IL1RAPL2: variants seen among roughly 807,000 people sequenced by gnomAD.
IL1RAPL2 encodes the protein interleukin 1 receptor accessory protein like 2.
A neutral mutation model predicts 44.1 loss-of-function variants in IL1RAPL2; 3 were observed. The observed-to-expected ratio is 0.07, with a 90% CI of 0.03 to 0.18. The LOEUF (loss-of-function observed/expected upper bound fraction) is 0.18, where lower values mean the gene tolerates loss of function less well. IL1RAPL2 is among the 10% of genes least tolerant of loss of function. The pLI is 1.00. For missense variants in IL1RAPL2, 391 were observed against 496.4 expected (o/e 0.79, Z 2.02); for synonymous variants, 181 against 178.8 (o/e 1.01, Z -0.10).
At chrX:104,936,989 G>T (rs886108843) in intron 2 of IL1RAPL2, among the ~76,000 whole-genome samples, 2 of 111,875 alleles carry the variant, frequency 1.8e-5, no homozygotes, top group Non-Finnish European at 3.8e-5. Context: ...AGAGCAGAGA[G>T]ACTGGGCTCT....
intron 5 of IL1RAPL2, among the ~76,000 whole-genome samples, chrX:105,457,868 A>G (rs2036067748): frequency 9.0e-6 from 1 of 110,618 alleles, no homozygotes; most frequent in Non-Finnish European, 1.9e-5. Flanking sequence ...TGGTAATTCT[A>G]TGTTTAACTT....
intron 1 of IL1RAPL2, among the ~76,000 whole-genome samples, chrX:104,585,388 A>ATATATAT (rs1928537407): frequency 8.6e-5 from 2 of 23,272 alleles, no homozygotes; most frequent in African/African-American, 8.1e-4. Context: ...AATATATATT[A>ATATATAT]TATATAATAT....
chrX:105,497,819 A>C (rs1602438728), intron 6 of IL1RAPL2, among the ~76,000 whole-genome samples: 1 of 112,415 alleles, frequency 8.9e-6, no homozygotes, highest in Non-Finnish European at 1.9e-5. Context: ...ACAAAAGATA[A>C]AAATCTTTAG....
intron 6 of IL1RAPL2, among the ~76,000 whole-genome samples, chrX:105,639,077 T>A (rs1207717355): frequency 9.0e-6 from 1 of 111,684 alleles, no homozygotes; most frequent in African/African-American, 3.3e-5. Context: ...TTTTGTTTTT[T>A]ATGCGAGTAT....
chrX:105,475,950 G>A (rs1372738547), intron 5 of IL1RAPL2, among the ~76,000 whole-genome samples: 3 of 111,934 alleles, frequency 2.7e-5, no homozygotes, highest in African/African-American at 9.7e-5. Flanking sequence ...AGAGAAAAGG[G>A]CAACTCAGGG....
intron 5 of IL1RAPL2, among the ~76,000 whole-genome samples, chrX:105,369,484 G>A (rs1234869716): frequency 9.0e-6 from 1 of 111,247 alleles, no homozygotes; most frequent in African/African-American, 3.3e-5. Flanking sequence ...AGAGGTTGGG[G>A]TGTTAGATGT....
intron 2 of IL1RAPL2, among the ~76,000 whole-genome samples, chrX:104,764,530 T>C (rs1932523178): frequency 1.8e-5 from 2 of 112,043 alleles, no homozygotes; most frequent in African/African-American, 6.5e-5. Flanking sequence ...TCCTTTCCAA[T>C]TTGGATGCCC....
chrX:105,460,619 C>A (rs1230431378), intron 5 of IL1RAPL2, among the ~76,000 whole-genome samples: 1 of 111,119 alleles, frequency 9.0e-6, no homozygotes, highest in African/African-American at 3.3e-5. Context: ...TTCTTGTAAC[C>A]CTTTCTCTTC....
intron 6 of IL1RAPL2, among the ~76,000 whole-genome samples, chrX:105,693,916 G>A (rs1221236215): frequency 8.9e-6 from 1 of 112,098 alleles, no homozygotes; most frequent in Non-Finnish European, 1.9e-5. Context: ...AAGCTTCCAG[G>A]AGGAAAGCAG....
At position 105,357,961 on chromosome X, in the gene IL1RAPL2, A is replaced by G. The variant is rs148011405; in HGVS notation, c.697+90420A>G. ...GAGTTGATAGGATTGCTTGAGCCCA[A>G]GAGTTTGAGGCTGCAGTGAGCTATG... is the stretch of plus-strand genomic sequence containing the variant. On this transcript the variant is annotated intron_variant, in intron 5 of 10. Coordinates refer to ENST00000372582, the MANE Select transcript of IL1RAPL2 (RefSeq NM_017416.2). Among the ~76,000 whole-genome samples the G allele has an allele frequency of 5.0e-3, 512 of 103,253 alleles. 6 individuals are homozygous for G. Among genetic ancestry groups the G allele is most frequent in the African/African-American group, 0.017 (485 of 27,858 alleles). The allele number at this position is 103,253 out of a possible 115,157, so 89.7% of individuals were successfully genotyped here.
intron 2 of IL1RAPL2, among the ~76,000 whole-genome samples, chrX:104,751,728 G>A (rs773850367): frequency 9.0e-6 from 1 of 110,866 alleles, no homozygotes; most frequent in Admixed American, 9.6e-5. Flanking sequence ...TGTATGCCAG[G>A]GTTAATATGA....
Position 104,631,360 on chromosome X carries a change from G to C in IL1RAPL2, c.-19-27535G>C, listed in dbSNP as rs766549820. Among the ~76,000 whole-genome samples the C allele has an allele frequency of 3.6e-5, 4 of 111,877 alleles. No individual in the cohort carries two copies. In the South Asian group the frequency reaches 1.5e-3, roughly 42 times the overall value. On this transcript the variant is annotated intron_variant, in intron 1 of 10. Coordinates refer to ENST00000372582, the MANE Select transcript of IL1RAPL2 (RefSeq NM_017416.2). ...ATCCTTTGGGTATATACCCAGTAATGGGATGGCTGGGTCAAATGATATTTC... is the reference window on the plus strand; with the variant it reads ...ATCCTTTGGGTATATACCCAGTAATCGGATGGCTGGGTCAAATGATATTTC...
At chrX:105,506,834 A>C (rs752147580) in intron 6 of IL1RAPL2, among the ~76,000 whole-genome samples, 2 of 112,008 alleles carry the variant, frequency 1.8e-5, no homozygotes, top group Non-Finnish European at 3.8e-5. Flanking sequence ...AGAAAACTCA[A>C]GCCCAGAGAG....
At chrX:105,318,009 G>C (rs1310897772) in intron 5 of IL1RAPL2, among the ~76,000 whole-genome samples, 3 of 100,171 alleles carry the variant, frequency 3.0e-5, no homozygotes, top group African/African-American at 7.3e-5. Flanking sequence ...GTCTCGCTCT[G>C]TCGCCCAGGC....
rs761940662 is a variant in IL1RAPL2 at position 105,173,620 on chromosome X, G to A, written c.83-21855G>A. 3.6e-5 allele frequency among the ~76,000 whole-genome samples: 4 copies of A among 111,366 alleles called. No homozygotes were observed. The South Asian group carries it at 1.5e-3, about 43-fold the overall frequency. On this transcript the variant is annotated intron_variant, in intron 2 of 10. Coordinates refer to ENST00000372582, the MANE Select transcript of IL1RAPL2 (RefSeq NM_017416.2). ...GCCTGGCCTAGGTAGTTGTGCCCTG[G>A]TAACCCATACTCCCTTGGTTTTACC...
chrX:105,031,255 C>A (rs1282027074), intron 2 of IL1RAPL2, among the ~76,000 whole-genome samples: 1 of 107,021 alleles, frequency 9.3e-6, no homozygotes, highest in Non-Finnish European at 1.9e-5. Context: ...TGCCTAATTG[C>A]CCTGGCCAGA....
intron 2 of IL1RAPL2, among the ~76,000 whole-genome samples, chrX:104,997,635 G>A (rs946391798): frequency 4.5e-5 from 5 of 111,899 alleles, no homozygotes; most frequent in Admixed American, 9.5e-5. Flanking sequence ...AGATAGCAGT[G>A]AAGATAATAG....
chrX:105,031,904 G>T (rs958256861), intron 2 of IL1RAPL2, among the ~76,000 whole-genome samples: 4 of 111,481 alleles, frequency 3.6e-5, no homozygotes, highest in African/African-American at 9.8e-5. Context: ...CAATTTCGGA[G>T]CCTGTTATTG....
At chrX:104,687,364 A>G (rs1322394098) in intron 2 of IL1RAPL2, among the ~76,000 whole-genome samples, 4 of 111,306 alleles carry the variant, frequency 3.6e-5, no homozygotes, top group Non-Finnish European at 5.7e-5. Flanking sequence ...CAGAGAGGAG[A>G]AAGGAGTGGG....
Sources: gnomAD v4.1 joint callset for allele counts (sites outside exome capture counted in the v4.1 genomes callset) on GRCh38, gnomAD v4.1.1 for gene constraint, MANE v1.5 for transcripts, NCBI Gene and HGNC (gene_info 2026-07-23, HGNC 2026-07-21) for gene names.